Variants in PARP14 observed in about 807,000 individuals in gnomAD.
PARP14 encodes protein mono-ADP-ribosyltransferase PARP14.
In PARP14, 59 loss-of-function variants were observed where a neutral mutation model predicts 154.2. That is an observed-to-expected ratio of 0.38 (90% confidence interval 0.31 to 0.48). PARP14 has a LOEUF of 0.48. Among genes scored for constraint, PARP14 ranks in the 20% least tolerant of loss-of-function variants. The pLI is 0.98. For synonymous variants in PARP14, 720 were observed against 780.5 expected, an observed-to-expected ratio of 0.92 and a Z score of 1.29; for missense variants, 1,734 against 2,131.6, an observed-to-expected ratio of 0.81 and a Z score of 3.67.
At chr3:122,685,510 C>CT (rs10711299) in intron 2 of PARP14, among the ~76,000 whole-genome samples, 192 bp downstream of exon 2, 2,065 of 137,240 alleles carry the variant, frequency 0.015, 34 homozygotes, top group Non-Finnish European at 0.025. Flanking sequence ...GGAGGGGGTA[C>CT]TTTTTTTTTT....
chr3:122,683,951 G>A (rs771955017), intron 1 of PARP14, among the ~76,000 whole-genome samples: 11 of 152,146 alleles, frequency 7.2e-5, no homozygotes, highest in Non-Finnish European at 1.6e-4. Context: ...CCCCACCTTG[G>A]TTTAGTAAAG....
rs765938773 is a variant in PARP14, at chr3:122,704,540, T to A, written c.3332T>A (p.Ile1111Lys). 1.9e-6 allele frequency: 3 copies of A among 1,594,162 alleles called. No individual in the cohort carries two copies. Among genetic ancestry groups the A allele is most frequent in the Non-Finnish European group, 2.6e-6 (3 of 1,165,648 alleles). The change falls in exon 8 of 17, where the codon ATA becomes AAA. Residue 1111 changes from isoleucine (I) to lysine (K), a missense_variant. Around this residue, in one of 2 missense-constraint regions of PARP14, gnomAD observed 1,646 missense variants for 1,976.0 expected, o/e 0.83. Coordinates refer to ENST00000474629, the MANE Select transcript of PARP14 (RefSeq NM_017554.3). ...STSSLKIMED[I>K]IRECMEITES... ...TGTGCGTTTCAGATAATGGAAGACA[T>A]AATCAGAGAATGTATGGAGATCACT...
At chr3:122,683,077 A>T (rs1938263987) in intron 1 of PARP14, among the ~76,000 whole-genome samples, 1 of 151,938 alleles carries the variant, frequency 6.6e-6, no homozygotes, top group South Asian at 2.1e-4. Flanking sequence ...ACAAACAAAC[A>T]AAAAGAAACA....
chr3:122,728,210 A>T, intron 16 of PARP14, 98 bp from the exon 17 acceptor site: 1 of 1,176,896 alleles, frequency 8.5e-7, no homozygotes, highest in Non-Finnish European at 1.2e-6. Context: ...AAAAAATTTT[A>T]AGAGAGGCTT....
chr3:122,728,014 G>C (rs1214433308), intron 16 of PARP14, 28 bp downstream of exon 16: 7 of 1,590,916 alleles, frequency 4.4e-6, no homozygotes, highest in Non-Finnish European at 6.0e-6. Context: ...CTGGCTGCTT[G>C]GAATGAGGCA....
intron 1 of PARP14, among the ~76,000 whole-genome samples, chr3:122,684,005 A>G (rs1938295253): frequency 1.3e-5 from 2 of 152,282 alleles, no homozygotes; most frequent in South Asian, 2.1e-4. Flanking sequence ...CCTCATAAAG[A>G]GTGAGATTAG....
intron 4 of PARP14, 41 bp downstream of exon 4, chr3:122,692,584 CCA>C (rs1364724252): frequency 6.4e-7 from 1 of 1,560,572 alleles, no homozygotes; most frequent in Admixed American, 1.8e-5. Context: ...CTTCTTTGTA[CCA>C]CATCATGAGA....
intron 15 of PARP14, among the ~76,000 whole-genome samples, chr3:122,727,380 T>C (rs1253394456): frequency 6.6e-6 from 1 of 152,252 alleles, no homozygotes; most frequent in African/African-American, 2.4e-5. Context: ...CTTGCCTAGA[T>C]ATTCTGTTGC....
At chr3:122,702,285 C>T (rs149916993) in intron 6 of PARP14, among the ~76,000 whole-genome samples, 8,765 of 152,230 alleles carry the variant, frequency 0.058, 299 homozygotes, top group Middle Eastern at 0.12. Flanking sequence ...GGCACCATCT[C>T]GGCTCACTGC....
intron 2 of PARP14, among the ~76,000 whole-genome samples, chr3:122,685,859 G>A (rs1468951810): frequency 6.6e-6 from 1 of 152,024 alleles, no homozygotes; most frequent in Non-Finnish European, 1.5e-5. Context: ...CAAGATTTGG[G>A]GATTATAATA....
intron 9 of PARP14, among the ~76,000 whole-genome samples, chr3:122,712,482 A>T (rs975462787): frequency 6.6e-6 from 1 of 152,030 alleles, no homozygotes; most frequent in African/African-American, 2.4e-5. Context: ...TCCTGACCTC[A>T]AGTGATCCAC....
intron 12 of PARP14, among the ~76,000 whole-genome samples, chr3:122,716,955 G>A (rs924416150): frequency 1.1e-4 from 16 of 152,216 alleles, no homozygotes; most frequent in African/African-American, 3.9e-4. Flanking sequence ...CCTAGCCAGT[G>A]ATAGGACATA....
chr3:122,725,124 A>G (rs1355835813), intron 15 of PARP14, among the ~76,000 whole-genome samples: 1 of 151,924 alleles, frequency 6.6e-6, no homozygotes, highest in African/African-American at 2.4e-5. Flanking sequence ...CAAAACTGCC[A>G]TCGTCATCAT....
At chr3:122,703,595 C>T (rs1312383057) in intron 6 of PARP14, 147 bp from the exon 7 acceptor site, 27 of 587,896 alleles carry the variant, frequency 4.6e-5, no homozygotes, top group Non-Finnish European at 6.1e-5. Context: ...TTTAGTCACA[C>T]TTTGTCTTAT....
rs753994342 is a variant in PARP14, at chr3:122,695,467, A to G, written c.640A>G (p.Ile214Val). The change falls in exon 5 of 17, where the codon ATT (isoleucine) becomes GTT (valine). Residue 214 changes from isoleucine to valine, a missense_variant. By Grantham distance (29) the Ile-to-Val change is conservative (BLOSUM62 3). Coordinates refer to ENST00000474629, the MANE Select transcript of PARP14 (RefSeq NM_017554.3). ...TGATGATTGTACCAAGCACCATTCA[A>G]TTAAACAACTTCAGCTTTCTCCAAG... ...FVDDCTKHHS[I>V]KQLQLSPRLL... 1.9e-6 allele frequency: 3 copies of G among 1,606,164 alleles called. No homozygotes were observed. Among genetic ancestry groups the G allele is most frequent in the South Asian group, 2.2e-5 (2 of 90,012 alleles).
chr3:122,704,499 G>A (rs1391750577), intron 7 of PARP14, 28 bp from the exon 8 acceptor site: 1 of 1,385,648 alleles, frequency 7.2e-7, no homozygotes, highest in Non-Finnish European at 1.0e-6. Context: ...TAGACAAGAT[G>A]TATAAGGATG....
chr3:122,716,415 G>A (rs1488156296), intron 12 of PARP14, among the ~76,000 whole-genome samples: 41 of 152,292 alleles, frequency 2.7e-4, no homozygotes, highest in Non-Finnish European at 2.1e-4. Context: ...GCCTGCATCT[G>A]CAAGGCACCA....
chr3:122,709,689 T>C (rs181326076), intron 9 of PARP14, among the ~76,000 whole-genome samples: 1 of 152,288 alleles, frequency 6.6e-6, no homozygotes, highest in Non-Finnish European at 1.5e-5. Flanking sequence ...TTTTACCACA[T>C]CCATGCCAAC....
At chr3:122,683,575 A>G (rs1398076175) in intron 1 of PARP14, among the ~76,000 whole-genome samples, 3 of 152,232 alleles carry the variant, frequency 2.0e-5, no homozygotes, top group Non-Finnish European at 2.9e-5. Context: ...CCTTGTGGTA[A>G]GAACCCATCT....
Sources: allele counts gnomAD v4.1 joint callset (sites outside exome capture counted in the v4.1 genomes callset), GRCh38; gene constraint gnomAD v4.1.1; regional missense constraint gnomAD v4.1.1; transcripts MANE v1.5; gene names NCBI Gene and HGNC (gene_info 2026-07-23, HGNC 2026-07-21).